Variants in MCCC2 observed in about 807,000 individuals in gnomAD.
The protein encoded by MCCC2 is methylcrotonoyl-CoA carboxylase beta chain, mitochondrial.
Under a neutral mutation model 77.2 loss-of-function variants are expected in MCCC2, and 52 were observed. The observed-to-expected ratio is 0.67, with a 90% CI of 0.54 to 0.85. MCCC2 has a LOEUF of 0.85. Among genes scored for constraint, MCCC2 ranks in the 40% least tolerant of loss-of-function variants. The pLI is 0.00. For missense variants in MCCC2, 682 were observed against 703.2 expected (o/e 0.97, Z 0.34); for synonymous variants, 253 against 248.4 (o/e 1.02, Z -0.18).
chr5:71,635,725 T>C (rs1297930623), intron 10 of MCCC2: 1 of 246,708 alleles, frequency 4.1e-6, no homozygotes, highest in Non-Finnish European at 7.9e-6. Flanking sequence ...CATAGTGTTC[T>C]GTAATTTAGA....
intron 6 of MCCC2, among the ~76,000 whole-genome samples, chr5:71,618,292 T>A (rs1388386142): frequency 6.6e-6 from 1 of 152,184 alleles, no homozygotes; most frequent in Non-Finnish European, 1.5e-5. Context: ...GATGGATTAA[T>A]GCTATCATTG....
At chr5:71,607,423 TC>T (rs1403534064) in intron 6 of MCCC2, among the ~76,000 whole-genome samples, 1 of 149,280 alleles carries the variant, frequency 6.7e-6, no homozygotes, top group Non-Finnish European at 1.5e-5. Context: ...GGTGGTGATA[TC>T]CCCTTTATCA....
At position 71,633,123 on chromosome 5, in the gene MCCC2, A is replaced by ATTTTTTTT. The variant is rs1391065508; in HGVS notation, c.803+939_803+940insTTTTTTTT. On this transcript the variant is annotated intron_variant, in intron 8 of 16. Transcript: ENST00000340941. ...TATATATATATATATATATATATATATATATATATTTTTATTTTTTGTAGA... is the reference window on the plus strand; with the variant it reads ...TATATATATATATATATATATATATATTTTTTTTTATATATATTTTTATTTTTTGTAGA... 1.8e-3 allele frequency among the ~76,000 whole-genome samples: 57 copies of ATTTTTTTT among 31,782 alleles called. 1 individual carries two copies. Among genetic ancestry groups the ATTTTTTTT allele is most frequent in the East Asian group, 9.1e-3 (5 of 550 alleles). The allele number at this position is 31,782 out of a possible 152,430, so 20.9% of individuals were successfully genotyped here.
At chr5:71,644,066 T>TGTGC (rs771775027) in intron 12 of MCCC2, among the ~76,000 whole-genome samples, 171 bp downstream of exon 12, 26 of 139,706 alleles carry the variant, frequency 1.9e-4, no homozygotes, top group Non-Finnish European at 3.3e-4. Context: ...TGTGTGTGTG[T>TGTGC]GTGTGCGCGC....
intron 16 of MCCC2, among the ~76,000 whole-genome samples, 191 bp from the exon 17 acceptor site, chr5:71,656,552 T>TA (rs1190867897): frequency 6.6e-6 from 1 of 152,232 alleles, no homozygotes; most frequent in Non-Finnish European, 1.5e-5. Flanking sequence ...ATGAAGGTCA[T>TA]ATCATTTTTT....
intron 10 of MCCC2, among the ~76,000 whole-genome samples, chr5:71,640,651 A>C (rs917967056): frequency 6.6e-5 from 10 of 151,644 alleles, no homozygotes; most frequent in African/African-American, 2.4e-4. Context: ...GTGTCTTTTG[A>C]CTCTGAGCCC....
intron 4 of MCCC2, among the ~76,000 whole-genome samples, chr5:71,601,553 C>T (rs1009435618): frequency 2.0e-5 from 3 of 152,098 alleles, no homozygotes; most frequent in Non-Finnish European, 2.9e-5. Flanking sequence ...AAAGAAGAGT[C>T]CTGTTTGTCT....
chr5:71,617,083 C>T (rs1437634184), intron 6 of MCCC2, among the ~76,000 whole-genome samples: 3 of 152,206 alleles, frequency 2.0e-5, no homozygotes, highest in East Asian at 1.9e-4. Context: ...CTTAAGCCCC[C>T]GTGTGATCGG....
intron 7 of MCCC2, among the ~76,000 whole-genome samples, 165 bp from the exon 8 acceptor site, chr5:71,631,956 A>G (rs1746731037): frequency 6.6e-6 from 1 of 152,206 alleles, no homozygotes; most frequent in African/African-American, 2.4e-5. Context: ...AGTAAAGATA[A>G]TAGTCTCCAG....
intron 10 of MCCC2, 94 bp from the exon 11 acceptor site, chr5:71,640,906 GACA>G: frequency 1.0e-5 from 11 of 1,057,670 alleles, no homozygotes; most frequent in Middle Eastern, 2.8e-4. Flanking sequence ...TTGTGAAAGT[GACA>G]ACTTCACTGT....
At chr5:71,622,335 A>T (rs1001194179) in intron 6 of MCCC2, among the ~76,000 whole-genome samples, 2 of 151,970 alleles carry the variant, frequency 1.3e-5, no homozygotes, top group Non-Finnish European at 2.9e-5. Context: ...TACCCCCAAA[A>T]ATTAAAAATA....
In MCCC2 at chr5:71,652,665, T is replaced by C. The variant is rs1747467560; in HGVS notation, c.1489-4T>C. 4.3e-6 allele frequency: 7 copies of C among 1,613,890 alleles called. 1 individual carries two copies. The African/African-American group carries it at 6.7e-5, about 15-fold the overall frequency. ...TGACTTACTCATGGCCTCTTTTCCT[T>C]TAGTTCTCCAGTGCTGATGAAGCGG... On this transcript the variant is annotated splice_region_variant and splice_polypyrimidine_tract_variant and intron_variant, in intron 15 of 16. Coordinates refer to ENST00000340941, the MANE Select transcript of MCCC2 (RefSeq NM_022132.5).
chr5:71,620,055 CTGTT>C (rs1746306039), intron 6 of MCCC2, among the ~76,000 whole-genome samples: 1 of 152,018 alleles, frequency 6.6e-6, no homozygotes, highest in African/African-American at 2.4e-5. Flanking sequence ...AACAAAATCA[CTGTT>C]TGATTTCTTT....
chr5:71,592,061 C>G (rs555507162), intron 1 of MCCC2, among the ~76,000 whole-genome samples: 1 of 152,326 alleles, frequency 6.6e-6, no homozygotes, highest in East Asian at 1.9e-4. Context: ...AGCCACCACA[C>G]TCAGCCTGTT....
intron 6 of MCCC2, among the ~76,000 whole-genome samples, chr5:71,618,408 A>G (rs923520703): frequency 1.3e-5 from 2 of 152,072 alleles, no homozygotes; most frequent in African/African-American, 4.8e-5. Flanking sequence ...TGCCAGTGCC[A>G]TGCTCTTGGA....
intron 2 of MCCC2, among the ~76,000 whole-genome samples, chr5:71,595,381 C>T (rs1455356676): frequency 7.0e-6 from 1 of 143,106 alleles, no homozygotes; most frequent in African/African-American, 2.6e-5. Flanking sequence ...GTGAGCCATG[C>T]TGGCACCACT....
intron 8 of MCCC2, among the ~76,000 whole-genome samples, chr5:71,633,720 TACTAG>T (rs1746823468): frequency 6.6e-6 from 1 of 152,182 alleles, no homozygotes; most frequent in African/African-American, 2.4e-5. Flanking sequence ...TTTTGGTAAA[TACTAG>T]ACAGTTTTCA....
chr5:71,626,602 G>A, intron 6 of MCCC2, 38 bp from the exon 7 acceptor site: 1 of 1,504,122 alleles, frequency 6.6e-7, no homozygotes, highest in Non-Finnish European at 9.3e-7. Context: ...CACTGCATGA[G>A]CTGCATCTCA....
intron 2 of MCCC2, among the ~76,000 whole-genome samples, chr5:71,593,408 A>G (rs1282174224): frequency 6.6e-6 from 1 of 152,010 alleles, no homozygotes; most frequent in Non-Finnish European, 1.5e-5. Flanking sequence ...GACTCTTAAG[A>G]CTATGCATTT....
Sources: allele counts gnomAD v4.1 joint callset (sites outside exome capture counted in the v4.1 genomes callset), GRCh38; gene constraint gnomAD v4.1.1; transcripts MANE v1.5; gene names NCBI Gene and HGNC (gene_info 2026-07-23, HGNC 2026-07-21).